Variants in YWHAG observed in about 807,000 individuals in gnomAD.
The protein encoded by YWHAG is tyrosine 3-monooxygenase/tryptophan 5-monooxygenase activation protein gamma, also known as 14-3-3 protein gamma.
A neutral mutation model predicts 23.3 loss-of-function variants in YWHAG; 1 was observed. That is an observed-to-expected ratio of 0.04 (90% confidence interval 0.02 to 0.20). The LOEUF (loss-of-function observed/expected upper bound fraction) is 0.20. Among genes scored for constraint, YWHAG ranks in the 10% least tolerant of loss-of-function variants. The pLI is 1.00. For missense variants in YWHAG, 151 were observed against 338.6 expected, an observed-to-expected ratio of 0.45 and a Z score of 4.35; for synonymous variants, 160 against 144.0, an observed-to-expected ratio of 1.11 and a Z score of -0.80.
At position 76,329,473 on chromosome 7, in the gene YWHAG, A is replaced by T; in HGVS notation, c.*104T>A. The T allele has an allele frequency of 7.6e-7, 1 of 1,318,648 alleles. No homozygotes were observed. 81.7% of individuals were successfully genotyped at this position (1,318,648 alleles called of 1,614,324 possible). ...ACAGGTCGTGGGTTTCTCCCTGGGA[A>T]GGTCATCCCTCCCTTTCCCTCCCCC... On this transcript the variant is annotated 3_prime_UTR_variant, in exon 2 of 2. Transcript: ENST00000307630. The surrounding 1 kb of genome is among the most constrained non-coding windows in gnomAD (Gnocchi z 6.1).
Position 76,328,836 on chromosome 7 carries a change from C to T in YWHAG, c.*741G>A, listed in dbSNP as rs1028853562. The T allele has an allele frequency of 8.0e-4, 4 of 5,030 alleles. No homozygotes were observed. Among genetic ancestry groups the T allele is most frequent in the Admixed American group, 1.8e-3 (1 of 556 alleles). The allele number at this position is 5,030 out of a possible 1,614,324, so 0.3% of individuals were successfully genotyped here. On this transcript the variant is annotated 3_prime_UTR_variant, in exon 2 of 2. Transcript: ENST00000307630. Reference sequence around the variant, plus strand: ...ATCCCACAGCCACCTGACCTGAAGTCGCTTTCATTCTCATTTAGCCTAGGA... The same window carrying T: ...ATCCCACAGCCACCTGACCTGAAGTTGCTTTCATTCTCATTTAGCCTAGGA...
Position 76,347,427 on chromosome 7 carries a change from T to A in YWHAG, c.87+11295A>T, listed in dbSNP as rs904610008. On this transcript the variant is annotated intron_variant, in intron 1 of 1. Transcript: ENST00000307630. ...GCCTGACCAACATGGTGCAACCCTG[T>A]CTCTACTAAAAATACAAAAAAATTA... 5.9e-5 allele frequency among the ~76,000 whole-genome samples: 9 copies of A among 152,080 alleles called. No homozygotes were observed. In the South Asian group the frequency reaches 6.2e-4, roughly 11 times the overall value.
At chr7:76,332,812 T>C (rs925398331) in intron 1 of YWHAG, among the ~76,000 whole-genome samples, 1 of 151,574 alleles carries the variant, frequency 6.6e-6, no homozygotes, top group Admixed American at 6.6e-5. Context: ...CAAGCGATTC[T>C]CCTGCCTCAG....
chr7:76,352,983 T>A (rs1303631312), intron 1 of YWHAG, among the ~76,000 whole-genome samples: 1 of 152,082 alleles, frequency 6.6e-6, no homozygotes, highest in African/African-American at 2.4e-5. Context: ...GCAGCACATA[T>A]TAGTAGTATT....
intron 1 of YWHAG, among the ~76,000 whole-genome samples, chr7:76,339,636 G>T (rs532969399): frequency 7.6e-4 from 115 of 152,196 alleles, no homozygotes; most frequent in African/African-American, 2.6e-3. Context: ...ACTTAAATGT[G>T]AATTTTCCTC....
At chr7:76,358,590 G>A (rs1157252400) in intron 1 of YWHAG, 132 bp downstream of exon 1, 10 of 904,418 alleles carry the variant, frequency 1.1e-5, no homozygotes, top group Non-Finnish European at 1.4e-5. Context: ...ACCCTCCCCA[G>A]CCCCCCTCAG....
rs1803501583 is a variant in YWHAG, at chr7:76,329,153, G to A, written c.*424C>T. 5.6e-6 allele frequency: 1 copy of A among 177,596 alleles called. No homozygotes were observed. The highest frequency in any genetic ancestry group is 5.6e-5 in the Admixed American group (1 of 17,700). 11.0% of individuals were successfully genotyped at this position (177,596 alleles called of 1,614,324 possible). Reference sequence around the variant, plus strand: ...CACCCTGGAAAACATGCAGAGCCGAGACAGATGAGATAGAAAGTACCCAAA... The same window carrying A: ...CACCCTGGAAAACATGCAGAGCCGAAACAGATGAGATAGAAAGTACCCAAA... On this transcript the variant is annotated 3_prime_UTR_variant, in exon 2 of 2. Coordinates refer to ENST00000307630, the MANE Select transcript of YWHAG (RefSeq NM_012479.4). This position sits in a 1 kb window ranked among gnomAD's most constrained non-coding sequence, Gnocchi z 6.1.
chr7:76,337,560 A>G (rs1195051170), intron 1 of YWHAG, among the ~76,000 whole-genome samples: 6 of 134,300 alleles, frequency 4.5e-5, no homozygotes, highest in Non-Finnish European at 9.3e-5. Flanking sequence ...TTTGAGATGT[A>G]GTCTCCCTCT....
intron 1 of YWHAG, among the ~76,000 whole-genome samples, chr7:76,354,667 G>C (rs949349774): frequency 1.3e-5 from 2 of 152,210 alleles, no homozygotes; most frequent in African/African-American, 2.4e-5. Flanking sequence ...CGTCCCATCA[G>C]TTAAGAGCCT....
intron 1 of YWHAG, among the ~76,000 whole-genome samples, chr7:76,336,407 A>G (rs1209639975): frequency 6.7e-6 from 1 of 150,276 alleles, no homozygotes; most frequent in Non-Finnish European, 1.5e-5. Context: ...TGGGAACTCC[A>G]TTAAATTTTA....
chr7:76,354,003 G>T (rs898467137), intron 1 of YWHAG, among the ~76,000 whole-genome samples: 18 of 150,828 alleles, frequency 1.2e-4, no homozygotes, highest in Non-Finnish European at 1.5e-5. Context: ...AGCCTGTGAG[G>T]TGGAGGCTGC....
intron 1 of YWHAG, among the ~76,000 whole-genome samples, chr7:76,342,334 T>C (rs148578810): frequency 1.2e-4 from 18 of 152,148 alleles, no homozygotes; most frequent in Non-Finnish European, 2.2e-4. Flanking sequence ...CACTCTGAAA[T>C]GCAGATAATC....
chr7:76,354,250 C>T (rs1803917159), intron 1 of YWHAG, among the ~76,000 whole-genome samples: 2 of 152,280 alleles, frequency 1.3e-5, no homozygotes, highest in Admixed American at 1.3e-4. Context: ...GTGGCTCACG[C>T]CTGTAATCCC....
At chr7:76,346,159 T>G (rs1803776774) in intron 1 of YWHAG, among the ~76,000 whole-genome samples, 1 of 152,178 alleles carries the variant, frequency 6.6e-6, no homozygotes, top group Admixed American at 6.5e-5. Flanking sequence ...GGTCTTCATC[T>G]TAAGTCTGAA....
At chr7:76,357,674 C>T (rs1052157313) in intron 1 of YWHAG, among the ~76,000 whole-genome samples, 1 of 152,188 alleles carries the variant, frequency 6.6e-6, no homozygotes, top group Non-Finnish European at 1.5e-5. Context: ...TCAGATGCAT[C>T]TAACAACCAA....
At chr7:76,350,743 C>G (rs1239677699) in intron 1 of YWHAG, among the ~76,000 whole-genome samples, 1 of 152,116 alleles carries the variant, frequency 6.6e-6, no homozygotes, top group African/African-American at 2.4e-5. Flanking sequence ...ACTTGGGAAG[C>G]TGAGGCAGGA....
chr7:76,358,973 C>A lies in YWHAG; in HGVS notation c.-165G>T. ...GGCGGCTGGAGCTGCGACCGCGGGACCGGGCGCGAGGCGGCTGCGGCTGCT... is the reference window on the plus strand; with the variant it reads ...GGCGGCTGGAGCTGCGACCGCGGGAACGGGCGCGAGGCGGCTGCGGCTGCT... On this transcript the variant is annotated 5_prime_UTR_variant, in exon 1 of 2. Coordinates refer to ENST00000307630, the MANE Select transcript of YWHAG (RefSeq NM_012479.4). 1.8e-6 allele frequency: 1 copy of A among 558,486 alleles called. No individual in the cohort carries two copies. Among genetic ancestry groups the A allele is most frequent in the Non-Finnish European group, 2.9e-6 (1 of 350,462 alleles). The allele number at this position is 558,486 out of a possible 1,614,324, so 34.6% of individuals were successfully genotyped here. A position where few individuals can be genotyped will look rare whatever the true frequency, so the allele number is the denominator to read the frequency against.
intron 1 of YWHAG, among the ~76,000 whole-genome samples, chr7:76,343,518 T>C (rs1283192886): frequency 1.3e-5 from 2 of 152,190 alleles, no homozygotes; most frequent in African/African-American, 2.4e-5. Flanking sequence ...CTTCTGAAAG[T>C]GTGCTGAATG....
intron 1 of YWHAG, among the ~76,000 whole-genome samples, chr7:76,358,463 CCCCGCGGGACCTCGCCCCGG>C (rs1803996168): frequency 6.6e-6 from 1 of 152,040 alleles, no homozygotes; most frequent in Non-Finnish European, 1.5e-5. Context: ...CCAAGTCCAG[CCCCGCGGGACCTCGCCCCGG>C]CCCGCGCCCG....
Sources: allele counts gnomAD v4.1 joint callset (sites outside exome capture counted in the v4.1 genomes callset), GRCh38; gene constraint gnomAD v4.1.1; non-coding constraint Gnocchi (gnomAD v3.1); transcripts MANE v1.5; gene names NCBI Gene and HGNC (gene_info 2026-07-23, HGNC 2026-07-21).